The following CTCFL variants were observed in gnomAD, a reference collection of about 807,000 sequenced individuals.
CTCFL encodes CCCTC-binding factor like.
CTCFL carries 36 observed loss-of-function variants against 67.4 expected under a neutral mutation model. That is an observed-to-expected ratio of 0.53 (90% confidence interval 0.41 to 0.71). The LOEUF (loss-of-function observed/expected upper bound fraction) is 0.71, where lower values mean the gene tolerates loss of function less well. CTCFL is among the 30% of genes least tolerant of loss of function. The probability of loss-of-function intolerance (pLI) is 0.00; values close to 1 mark genes in which losing one functional copy is unlikely to be tolerated. For missense variants in CTCFL, 786 were observed against 835.2 expected (o/e 0.94, Z 0.73); for synonymous variants, 324 against 302.3 (o/e 1.07, Z -0.75).
chr20:57,524,389 G>A (rs2069688434), intron 1 of CTCFL, 173 bp from the exon 2 acceptor site: 1 of 1,436,602 alleles, frequency 7.0e-7, no homozygotes. Flanking sequence ...GGTCTAGGAG[G>A]GGGTCAAGGC....
rs925470520 is a variant in CTCFL, at chr20:57,498,427, A to G, written c.*123T>C. On this transcript the variant is annotated 3_prime_UTR_variant, in exon 11 of 11. Coordinates refer to ENST00000243914, the MANE Select transcript of CTCFL (RefSeq NM_001386993.1). The stretch of plus-strand genomic sequence containing the variant: ...CTTGCTTTAGGAATTAGGGGCAGTG[A>G]ACATGCAACCTGACTCTCTCTCACT... 64 of 1,459,262 alleles carry G rather than the reference A, an allele frequency of 4.4e-5. No homozygotes were observed. In the African/African-American group the frequency reaches 8.2e-4, roughly 19 times the overall value. 90.4% of individuals were successfully genotyped at this position (1,459,262 alleles called of 1,614,324 possible).
chr20:57,500,323 C>T (rs952683490), intron 10 of CTCFL: 2 of 513,930 alleles, frequency 3.9e-6, no homozygotes, highest in African/African-American at 2.1e-5. Flanking sequence ...GGCGTGGTGG[C>T]GGGCATCTGT....
At position 57,523,088 on chromosome 20, in the gene CTCFL, T is replaced by G; in HGVS notation, c.734A>C (p.Lys245Thr). The change falls in exon 3 of 11, where the codon AAA becomes ACA. Residue 245 changes from lysine (K) to threonine (T), a missense_variant. Lys to Thr is a moderately conservative substitution (Grantham distance 78). Transcript: ENST00000243914. Reference sequence around the variant, plus strand: ...CCTACCCTTTGTCTTTCTTTGATTTTTTGTAGATTTGGCCTTTTCAGCATC... The same window carrying G: ...CCTACCCTTTGTCTTTCTTTGATTTGTTGTAGATTTGGCCTTTTCAGCATC... Reference protein sequence around the residue: ...QADAEKAKSTKNQRKTKGAKG... With the variant: ...QADAEKAKSTTNQRKTKGAKG... 6.2e-7 allele frequency: 1 copy of G among 1,613,698 alleles called. No homozygotes were observed. The highest frequency in any genetic ancestry group is 1.3e-5 in the African/African-American group (1 of 75,018).
At chr20:57,502,569 A>C (rs1249870725) in intron 10 of CTCFL, among the ~76,000 whole-genome samples, 1 of 152,174 alleles carries the variant, frequency 6.6e-6, no homozygotes, top group Non-Finnish European at 1.5e-5. Flanking sequence ...GTGCCGTAAA[A>C]GTCTGGACAG....
chr20:57,505,955 A>C (rs1383395215), intron 9 of CTCFL, among the ~76,000 whole-genome samples: 2 of 152,238 alleles, frequency 1.3e-5, no homozygotes, highest in Non-Finnish European at 2.9e-5. Flanking sequence ...CACTGTGCTT[A>C]ACAGGACTGT....
intron 3 of CTCFL, among the ~76,000 whole-genome samples, chr20:57,520,415 C>CA (rs2069265308): frequency 6.6e-6 from 1 of 152,130 alleles, no homozygotes; most frequent in African/African-American, 2.4e-5. Flanking sequence ...TTGTTATTCT[C>CA]AAAATCCATC....
intron 9 of CTCFL, among the ~76,000 whole-genome samples, chr20:57,506,180 C>T (rs1314681455): frequency 1.3e-5 from 2 of 152,258 alleles, no homozygotes; most frequent in African/African-American, 4.8e-5. Context: ...TTCCATGACA[C>T]AAGGGCAGAC....
chr20:57,517,754 C>G (rs1600672155), intron 5 of CTCFL, among the ~76,000 whole-genome samples: 1 of 151,904 alleles, frequency 6.6e-6, no homozygotes, highest in Non-Finnish European at 1.5e-5. Context: ...AGGCTACCCC[C>G]CACAGGCTGC....
Position 57,498,114 on chromosome 20 carries a change from A to C in CTCFL, c.*436T>G. 2 of 977,968 alleles carry C rather than the reference A, an allele frequency of 2.0e-6. No homozygotes were observed. Among genetic ancestry groups the C allele is most frequent in the Non-Finnish European group, 2.4e-6 (2 of 822,922 alleles). 60.6% of individuals were successfully genotyped at this position (977,968 alleles called of 1,614,324 possible). On this transcript the variant is annotated 3_prime_UTR_variant, in exon 11 of 11. Coordinates refer to ENST00000243914, the MANE Select transcript of CTCFL (RefSeq NM_001386993.1). ...CATGGGTGTATATAATGCAACATAA[A>C]AATGTCCAGCTTTGACTGTGGAAGC...
intron 7 of CTCFL, chr20:57,513,808 T>G (rs1246794858): frequency 7.8e-7 from 1 of 1,281,336 alleles, no homozygotes; most frequent in South Asian, 1.3e-5. Flanking sequence ...CATATTTTTG[T>G]GTATCACAGT....
chr20:57,500,243 T>A (rs1173337828), intron 10 of CTCFL: 1 of 1,012,928 alleles, frequency 9.9e-7, no homozygotes, highest in East Asian at 1.0e-4. Flanking sequence ...GGCGGGCAGA[T>A]CACTTGAGGT....
At chr20:57,504,102 A>G (rs374048126) in intron 9 of CTCFL, among the ~76,000 whole-genome samples, 1,670 of 151,742 alleles carry the variant, frequency 0.011, 20 homozygotes, top group Non-Finnish European at 0.012. Flanking sequence ...TCAGCCTCCC[A>G]AGTAGCTGGG....
intron 5 of CTCFL, among the ~76,000 whole-genome samples, chr20:57,517,851 C>T (rs1040587716): frequency 3.3e-5 from 5 of 152,176 alleles, no homozygotes; most frequent in African/African-American, 1.2e-4. Flanking sequence ...AAAGTCCACT[C>T]CAGGCTTAGG....
At chr20:57,508,809 A>G (rs537826940) in intron 8 of CTCFL, 21 bp from the exon 9 acceptor site, 1 of 1,610,776 alleles carries the variant, frequency 6.2e-7, no homozygotes, top group South Asian at 1.1e-5. Context: ...AGGGGAAGAA[A>G]GCAGCTTGTC....
intron 9 of CTCFL, chr20:57,507,750 G>C (rs993320396): frequency 1.4e-6 from 1 of 702,948 alleles, no homozygotes; most frequent in Middle Eastern, 2.3e-4. Context: ...CCTGAGCCAG[G>C]ACCACCCAGT....
intron 9 of CTCFL, chr20:57,507,583 T>A (rs1344354161): frequency 7.1e-6 from 5 of 702,838 alleles, no homozygotes; most frequent in African/African-American, 5.2e-5. Flanking sequence ...AGGAGGACAC[T>A]CAAGCAGCCC....
intron 5 of CTCFL, among the ~76,000 whole-genome samples, chr20:57,516,185 AC>A (rs67850417): frequency 0.37 from 55,654 of 151,686 alleles, 10,397 homozygotes; most frequent in Middle Eastern, 0.49. Flanking sequence ...AATTTAGATT[AC>A]ACTGTAAAAG....
rs184564988 is a variant in CTCFL, at chr20:57,503,430, C to T, written c.1840+6G>A. On this transcript the variant is annotated splice_donor_region_variant and intron_variant, in intron 10 of 10. Coordinates refer to ENST00000243914, the MANE Select transcript of CTCFL (RefSeq NM_001386993.1). Reference sequence around the variant, plus strand: ...CGGTAAAAACAAATCTGCGTAAAATCAGTACCGTCTCCGTTCGCGGCTTCC... The same window carrying T: ...CGGTAAAAACAAATCTGCGTAAAATTAGTACCGTCTCCGTTCGCGGCTTCC... 3.0e-3 allele frequency: 4,796 copies of T among 1,614,066 alleles called. 17 individuals are homozygous for T. The highest frequency in any genetic ancestry group is 3.6e-3 in the Non-Finnish European group (4,301 of 1,179,970).
At position 57,499,084 on chromosome 20, in the gene CTCFL, TGG is replaced by T. The variant is rs34861317; in HGVS notation, c.1841-385_1841-384del. ...TCCCCTGAAGGTGACGGGGGGGGGG[TGG>T]GGGGGGGACACAGTCATTCCCAGCT... On this transcript the variant is annotated intron_variant, in intron 10 of 10. Transcript: ENST00000243914. 1.4e-4 allele frequency among the ~76,000 whole-genome samples: 11 copies of T among 79,062 alleles called. No individual in the cohort carries two copies. In the Admixed American group the frequency reaches 1.5e-3, roughly 11 times the overall value. The allele number at this position is 79,062 out of a possible 152,430, so 51.9% of individuals were successfully genotyped here. A position where few individuals can be genotyped will look rare whatever the true frequency, so the allele number is the denominator to read the frequency against.
Sources: gnomAD v4.1 joint callset for allele counts (sites outside exome capture counted in the v4.1 genomes callset) on GRCh38, gnomAD v4.1.1 for gene constraint, MANE v1.5 for transcripts, NCBI Gene and HGNC (gene_info 2026-07-23, HGNC 2026-07-21) for gene names.